The following CIMIP2C variants were observed in gnomAD, a reference collection of about 807,000 sequenced individuals.
The protein encoded by CIMIP2C is ciliary microtubule inner protein 2C.
the CIMIP2C span, among the ~76,000 whole-genome samples, chr2:26,574,132 A>G: frequency 6.6e-6 from 1 of 152,208 alleles, no homozygotes; most frequent in East Asian, 1.9e-4. Flanking sequence ...AGTTACATCT[A>G]GATGGCTGCG....
At chr2:26,578,746 G>T in the CIMIP2C span, 1 of 471,144 alleles carries the variant, frequency 2.1e-6, no homozygotes. Context: ...TGTGGGGAGA[G>T]CGGGACATCT....
At chr2:26,562,739 G>A in the CIMIP2C span, 2 of 1,487,610 alleles carry the variant, frequency 1.3e-6, no homozygotes, top group Non-Finnish European at 1.8e-6. Flanking sequence ...CGCCCTCCTC[G>A]GTGATCGAAA....
At chr2:26,577,443 G>A in the CIMIP2C span, 3 of 1,340,866 alleles carry the variant, frequency 2.2e-6, no homozygotes, top group Non-Finnish European at 2.1e-6. Context: ...GTGCAGCGAG[G>A]CATGGACTGC....
chr2:26,569,016 C>A, the CIMIP2C span, among the ~76,000 whole-genome samples: 11 of 132,094 alleles, frequency 8.3e-5, no homozygotes, highest in African/African-American at 3.1e-4. Flanking sequence ...GACTCAGTCT[C>A]AAAAAAAAAA....
the CIMIP2C span, among the ~76,000 whole-genome samples, chr2:26,566,303 G>T: frequency 6.6e-6 from 1 of 152,170 alleles, no homozygotes; most frequent in African/African-American, 2.4e-5. Flanking sequence ...TCACTGAGCT[G>T]GACCTCGGAG....
chr2:26,574,869 C>A, the CIMIP2C span, among the ~76,000 whole-genome samples: 1 of 152,230 alleles, frequency 6.6e-6, no homozygotes, highest in African/African-American at 2.4e-5. Context: ...AGAGCACAGG[C>A]GGCCTTGGGA....
At chr2:26,562,761 GC>G in the CIMIP2C span, 2 of 1,301,504 alleles carry the variant, frequency 1.5e-6, no homozygotes, top group Non-Finnish European at 2.2e-6. Context: ...TCAGCCCCCT[GC>G]CCCCGGACTT....
At chr2:26,578,442 G>A in the CIMIP2C span, 1 of 231,830 alleles carries the variant, frequency 4.3e-6, no homozygotes, top group East Asian at 1.1e-4. Context: ...TAAAGAAACA[G>A]GCTTCACTGC....
chr2:26,578,046 C>A, the CIMIP2C span: 4 of 172,062 alleles, frequency 2.3e-5, no homozygotes, highest in African/African-American at 7.1e-5. Flanking sequence ...GAATCTCCCC[C>A]GGTCCCGTTC....
the CIMIP2C span, chr2:26,576,080 C>T: frequency 3.8e-5 from 62 of 1,614,076 alleles, no homozygotes; most frequent in East Asian, 6.7e-5. Flanking sequence ...GCTGATGGAG[C>T]GCGCCAGCAC....
chr2:26,577,804 CAG>C, the CIMIP2C span: 1 of 546,288 alleles, frequency 1.8e-6, no homozygotes. Context: ...TTGGCAGCCT[CAG>C]GGGGGATGGT....
At chr2:26,565,117 T>C in the CIMIP2C span, among the ~76,000 whole-genome samples, 1 of 150,266 alleles carries the variant, frequency 6.7e-6, no homozygotes, top group Non-Finnish European at 1.5e-5. Context: ...TTTAATGGAG[T>C]CTTGCTCTGT....
the CIMIP2C span, among the ~76,000 whole-genome samples, chr2:26,577,084 G>A: frequency 1.4e-4 from 21 of 152,302 alleles, no homozygotes; most frequent in African/African-American, 5.1e-4. Flanking sequence ...ACCATCTCAG[G>A]GGGTCTGCCA....
At chr2:26,565,712 G>A in the CIMIP2C span, among the ~76,000 whole-genome samples, 3 of 152,086 alleles carry the variant, frequency 2.0e-5, no homozygotes, top group Non-Finnish European at 4.4e-5. Context: ...CGGTGTGCAG[G>A]TTAAAGAGGT....
the CIMIP2C span, chr2:26,577,942 TGGCAGCTACACTA>T: frequency 2.6e-6 from 1 of 382,964 alleles, no homozygotes; most frequent in South Asian, 3.2e-5. Context: ...AAAGGCAGCC[TGGCAGCTACACTA>T]GTCCTAACGT....
At chr2:26,563,183 G>C in the CIMIP2C span, 1 of 158,924 alleles carries the variant, frequency 6.3e-6, no homozygotes, top group Non-Finnish European at 1.4e-5. Flanking sequence ...AAGGCCGGAA[G>C]AGCCGTAGTT....
chr2:26,566,069 G>A, the CIMIP2C span, among the ~76,000 whole-genome samples: 2 of 152,210 alleles, frequency 1.3e-5, no homozygotes, highest in Non-Finnish European at 2.9e-5. Context: ...CTTGCAAGTC[G>A]GATCTGGGTG....
At chr2:26,576,065 C>T in the CIMIP2C span, 5 of 1,614,144 alleles carry the variant, frequency 3.1e-6, no homozygotes, top group African/African-American at 4.0e-5. Context: ...CAACCCCAAC[C>T]TCCTGCTGAT....
At chr2:26,579,512 T>C in the CIMIP2C span, 1 of 1,547,710 alleles carries the variant, frequency 6.5e-7, no homozygotes, top group South Asian at 1.2e-5. Flanking sequence ...TGGAATAAAA[T>C]CTTTAGCCAT....
Sources: gnomAD v4.1 joint callset for allele counts (sites outside exome capture counted in the v4.1 genomes callset) on GRCh38, gnomAD v4.1.1 for gene constraint, MANE v1.5 for transcripts, NCBI Gene and HGNC (gene_info 2026-07-23, HGNC 2026-07-21) for gene names.